The following ZNF804B variants were observed in gnomAD, a reference collection of about 807,000 sequenced individuals.
ZNF804B encodes the protein zinc finger 804B.
A neutral mutation model predicts 101.4 loss-of-function variants in ZNF804B; 80 were observed. That is an observed-to-expected ratio of 0.79 (90% CI 0.66 to 0.95). The LOEUF is 0.95. Among genes scored for constraint, ZNF804B ranks in the 40% least tolerant of loss-of-function variants. ZNF804B has a pLI of 0.00. For missense variants in ZNF804B, 1,673 were observed against 1,561.9 expected (o/e 1.07, Z -1.20); for synonymous variants, 622 against 558.8 (o/e 1.11, Z -1.59).
chr7:89,065,186 G>T (rs1330086525), intron 1 of ZNF804B, among the ~76,000 whole-genome samples: 2 of 152,148 alleles, frequency 1.3e-5, no homozygotes, highest in Admixed American at 6.5e-5. Flanking sequence ...GTAAACTACA[G>T]AGCATGAGTT....
Position 88,898,729 on chromosome 7 carries a change from A to G in ZNF804B, c.108+138645A>G, listed in dbSNP as rs1477356771. Among the ~76,000 whole-genome samples, 5 of 152,202 alleles carry G rather than the reference A, an allele frequency of 3.3e-5. No homozygotes were observed. The East Asian group carries it at 5.8e-4, about 18-fold the overall frequency. ...CAATTTACTTTTGCTTTCAAATGCT[A>G]GATGCCTCACTGCCCTTTATGTTGG... On this transcript the variant is annotated intron_variant, in intron 1 of 3. Coordinates refer to ENST00000333190, the MANE Select transcript of ZNF804B (RefSeq NM_181646.5).
chr7:88,838,049 T>C (rs1791241603), intron 1 of ZNF804B, among the ~76,000 whole-genome samples: 1 of 151,800 alleles, frequency 6.6e-6, no homozygotes, highest in Non-Finnish European at 1.5e-5. Context: ...AAAAAATCTT[T>C]GGGATTTTCA....
At chr7:88,771,706 A>G (rs929905478) in intron 1 of ZNF804B, among the ~76,000 whole-genome samples, 1 of 152,170 alleles carries the variant, frequency 6.6e-6, no homozygotes, top group Non-Finnish European at 1.5e-5. Flanking sequence ...CATATATATT[A>G]TATGAAGAGT....
chr7:88,957,986 GA>G (rs1246232158), intron 1 of ZNF804B, among the ~76,000 whole-genome samples: 1 of 151,054 alleles, frequency 6.6e-6, no homozygotes, highest in East Asian at 2.0e-4. Flanking sequence ...TGCTCAATAT[GA>G]AATAGAAAAA....
chr7:88,956,215 C>T (rs1401674280), intron 1 of ZNF804B, among the ~76,000 whole-genome samples: 1 of 151,472 alleles, frequency 6.6e-6, no homozygotes, highest in Admixed American at 6.6e-5. Flanking sequence ...ACCATATGAT[C>T]CAGCAATCCC....
intron 1 of ZNF804B, among the ~76,000 whole-genome samples, chr7:88,781,971 A>T (rs1315162598): frequency 6.6e-6 from 1 of 152,100 alleles, no homozygotes; most frequent in Non-Finnish European, 1.5e-5. Context: ...AGCTGAGGTG[A>T]CTCATTGTTT....
chr7:89,333,491 GA>G lies in ZNF804B; in HGVS notation c.515del (p.Asn172IlefsTer58). The G allele has an allele frequency of 6.2e-7, 1 of 1,613,210 alleles. No homozygotes were observed. The highest frequency in any genetic ancestry group is 8.5e-7 in the Non-Finnish European group (1 of 1,179,560). The stretch of plus-strand genomic sequence containing the variant: ...ATGAAGAGTGCTCTTCTCCTTAAAG[GA>G]AAAAATCTCCCCAGAATCATATCCG... ...SCMKSALLLK[G>X]KNLPRIISDK... is the part of the protein sequence containing the mutation. On this transcript the variant is annotated frameshift_variant, in exon 4 of 4. Transcript: ENST00000333190. LOFTEE classifies it high-confidence loss of function.
At chr7:89,219,918 T>TATATGCATATATGTGTGCATATATATGC (rs1562920052) in intron 2 of ZNF804B, among the ~76,000 whole-genome samples, 2 of 142,240 alleles carry the variant, frequency 1.4e-5, no homozygotes, top group African/African-American at 5.2e-5. Context: ...CATATATATG[T>TATATGCATATATGTGTGCATATATATGC]ATATACATAT....
intron 1 of ZNF804B, among the ~76,000 whole-genome samples, chr7:88,933,931 C>CAA (rs3034321): frequency 1.5e-4 from 21 of 135,696 alleles, no homozygotes; most frequent in Non-Finnish European, 2.7e-4. Flanking sequence ...TGTATTAAAC[C>CAA]AAAAAAAAAA....
Position 88,782,098 on chromosome 7 carries a change from A to AGTGTGT in ZNF804B, c.108+22017_108+22018insTGTGTG, listed in dbSNP as rs879516206. On this transcript the variant is annotated intron_variant, in intron 1 of 3. Coordinates refer to ENST00000333190, the MANE Select transcript of ZNF804B (RefSeq NM_181646.5). Reference sequence around the variant, plus strand: ...TAGTGACTATCCCAGCTTTTGTGTGAGTGCGTGTGTGTGTGTGTGTGTGTG... The same window carrying AGTGTGT: ...TAGTGACTATCCCAGCTTTTGTGTGAGTGTGTGTGCGTGTGTGTGTGTGTGTGTGTG... Among the ~76,000 whole-genome samples, 239 of 132,194 alleles carry AGTGTGT rather than the reference A, an allele frequency of 1.8e-3. 3 individuals are homozygous for AGTGTGT. Among genetic ancestry groups the AGTGTGT allele is most frequent in the Admixed American group, 0.012 (155 of 12,764 alleles). The allele number at this position is 132,194 out of a possible 152,430, so 86.7% of individuals were successfully genotyped here.
chr7:88,892,692 C>T (rs148585365), intron 1 of ZNF804B, among the ~76,000 whole-genome samples: 65 of 152,178 alleles, frequency 4.3e-4, no homozygotes, highest in Middle Eastern at 3.4e-3. Flanking sequence ...TCAACTTCTC[C>T]CTCTCATCTC....
At chr7:88,946,168 G>T (rs10228624) in intron 1 of ZNF804B, among the ~76,000 whole-genome samples, 31 of 151,974 alleles carry the variant, frequency 2.0e-4, no homozygotes, top group African/African-American at 7.2e-4. Context: ...GTCCTGTGCC[G>T]GTTTTCAAAG....
chr7:89,243,761 T>TG (rs916534575), intron 2 of ZNF804B, among the ~76,000 whole-genome samples: 13 of 152,036 alleles, frequency 8.6e-5, no homozygotes, highest in African/African-American at 2.6e-4. Flanking sequence ...TGTTTTGTTT[T>TG]TTTTTATTAA....
chr7:89,264,475 T>A (rs1789755027), intron 2 of ZNF804B, among the ~76,000 whole-genome samples: 1 of 152,232 alleles, frequency 6.6e-6, no homozygotes, highest in African/African-American at 2.4e-5. Context: ...TTCCTTTGCT[T>A]ATATCAATTG....
chr7:89,236,485 G>A (rs1789283307), intron 2 of ZNF804B, among the ~76,000 whole-genome samples: 1 of 152,048 alleles, frequency 6.6e-6, no homozygotes. Context: ...TACATATATA[G>A]AGAAAAGAAA....
At chr7:89,197,012 T>C (rs187733877) in intron 1 of ZNF804B, among the ~76,000 whole-genome samples, 41 of 143,356 alleles carry the variant, frequency 2.9e-4, no homozygotes, top group East Asian at 5.8e-4. Context: ...GCTTTTACAC[T>C]GTTGGTGGGA....
chr7:89,155,459 A>G (rs942900287), intron 1 of ZNF804B, among the ~76,000 whole-genome samples: 19 of 152,160 alleles, frequency 1.2e-4, no homozygotes, highest in Admixed American at 7.2e-4. Context: ...GATAATTGCA[A>G]TGGACTCCTA....
intron 1 of ZNF804B, among the ~76,000 whole-genome samples, chr7:88,818,023 C>G (rs2115751927): frequency 6.6e-6 from 1 of 152,226 alleles, no homozygotes; most frequent in Non-Finnish European, 1.5e-5. Context: ...GCATTGTGCT[C>G]AGGCCACTTT....
chr7:89,173,051 C>T (rs559771323), intron 1 of ZNF804B, among the ~76,000 whole-genome samples: 2 of 152,106 alleles, frequency 1.3e-5, no homozygotes, highest in African/African-American at 4.8e-5. Flanking sequence ...GCTGCATGGG[C>T]CCTCCTGGGG....
Sources: gnomAD v4.1 joint callset for allele counts (sites outside exome capture counted in the v4.1 genomes callset) on GRCh38, gnomAD v4.1.1 for gene constraint, MANE v1.5 for transcripts, NCBI Gene and HGNC (gene_info 2026-07-23, HGNC 2026-07-21) for gene names.